Variants in ZDHHC2 observed in about 807,000 individuals in gnomAD.
ZDHHC2 encodes the protein palmitoyltransferase ZDHHC2.
Under a neutral mutation model 55.6 loss-of-function variants are expected in ZDHHC2, and 51 were observed. The ratio of observed to expected loss-of-function variants is 0.92; its 90% CI spans 0.73 to 1.16. The LOEUF (loss-of-function observed/expected upper bound fraction) is 1.16, where lower values mean the gene tolerates loss of function less well. Among genes scored for constraint, ZDHHC2 ranks in the 50% most tolerant of loss-of-function variants. The pLI, the probability that ZDHHC2 is intolerant of heterozygous loss-of-function variation, is 0.00. For missense variants in ZDHHC2, 491 were observed against 442.4 expected (o/e 1.11, Z -0.99); for synonymous variants, 199 against 152.9 (o/e 1.30, Z -2.22).
intron 1 of ZDHHC2, among the ~76,000 whole-genome samples, chr8:17,168,632 G>A (rs2705185): frequency 0.98 from 149,719 of 152,244 alleles, 73,666 homozygotes; most frequent in East Asian, 1. Flanking sequence ...TCGCTGTGCA[G>A]TTTAACACTA....
intron 1 of ZDHHC2, among the ~76,000 whole-genome samples, chr8:17,174,697 G>T (rs1019750494): frequency 2.4e-5 from 3 of 127,166 alleles, no homozygotes; most frequent in Admixed American, 9.0e-5. Context: ...GTTTGATATT[G>T]TGTTATTCTT....
At chr8:17,171,220 C>G (rs978416185) in intron 1 of ZDHHC2, among the ~76,000 whole-genome samples, 1 of 152,060 alleles carries the variant, frequency 6.6e-6, no homozygotes, top group African/African-American at 2.4e-5. Context: ...AAGGAAACAC[C>G]CATACAACTC....
rs1807315557 is a variant in ZDHHC2 at position 17,210,375 on chromosome 8, A to G, written c.858-13A>G. The G allele has an allele frequency of 6.2e-7, 1 of 1,606,086 alleles. No homozygotes were observed. Among genetic ancestry groups the G allele is most frequent in the Non-Finnish European group, 8.5e-7 (1 of 1,177,568 alleles). On this transcript the variant is annotated splice_polypyrimidine_tract_variant and intron_variant, in intron 9 of 12. Transcript: ENST00000262096. ...TTGTATGGTTCAGTTCTAAATTTTT[A>G]TTTTAATTCTAGTCTAGGTGATGGC... is the stretch of plus-strand genomic sequence containing the variant.
At chr8:17,201,460 C>G (rs766512883) in intron 6 of ZDHHC2, among the ~76,000 whole-genome samples, 1 of 127,444 alleles carries the variant, frequency 7.8e-6, no homozygotes, top group African/African-American at 2.7e-5. Flanking sequence ...GACCCAGGGG[C>G]AGCCTTTTCT....
At chr8:17,162,942 G>A (rs576567585) in intron 1 of ZDHHC2, 4 of 152,348 alleles carry the variant, frequency 2.6e-5, no homozygotes, top group African/African-American at 9.6e-5. Flanking sequence ...CATATATTTA[G>A]TGGTTGACAT....
intron 1 of ZDHHC2, among the ~76,000 whole-genome samples, chr8:17,184,117 C>A (rs938585814): frequency 5.3e-5 from 8 of 152,144 alleles, no homozygotes; most frequent in African/African-American, 1.9e-4. Flanking sequence ...ATAGACAATA[C>A]AAAAGGCGTA....
intron 1 of ZDHHC2, among the ~76,000 whole-genome samples, chr8:17,183,119 C>A (rs1805520997): frequency 6.6e-6 from 1 of 152,150 alleles, no homozygotes; most frequent in Non-Finnish European, 1.5e-5. Context: ...TCTCTCCACT[C>A]GAGTCAGTGG....
At chr8:17,179,691 G>T (rs988894292) in intron 1 of ZDHHC2, among the ~76,000 whole-genome samples, 2 of 152,196 alleles carry the variant, frequency 1.3e-5, no homozygotes, top group Non-Finnish European at 2.9e-5. Flanking sequence ...CATTTCATGC[G>T]TGGGCCGCCC....
chr8:17,166,230 G>T (rs1053301871), intron 1 of ZDHHC2, among the ~76,000 whole-genome samples: 1 of 152,292 alleles, frequency 6.6e-6, no homozygotes, highest in South Asian at 2.1e-4. Context: ...AAACCGTGGC[G>T]TGGGCACTGG....
At chr8:17,174,011 G>A (rs956247205) in intron 1 of ZDHHC2, among the ~76,000 whole-genome samples, 4 of 151,942 alleles carry the variant, frequency 2.6e-5, no homozygotes, top group South Asian at 2.1e-4. Context: ...GTAGGTGGTC[G>A]CTGCAAGCAA....
At chr8:17,179,332 C>G (rs1319622400) in intron 1 of ZDHHC2, among the ~76,000 whole-genome samples, 5 of 152,144 alleles carry the variant, frequency 3.3e-5, no homozygotes, top group Non-Finnish European at 7.4e-5. Flanking sequence ...CAACTGGTGA[C>G]CCAATCTACA....
At chr8:17,183,137 A>G (rs1181252285) in intron 1 of ZDHHC2, among the ~76,000 whole-genome samples, 1 of 152,200 alleles carries the variant, frequency 6.6e-6, no homozygotes, top group Non-Finnish European at 1.5e-5. Context: ...TGGAGTAGCA[A>G]ACACATTTGT....
chr8:17,197,910 T>G (rs573511842), intron 5 of ZDHHC2, among the ~76,000 whole-genome samples: 3 of 152,174 alleles, frequency 2.0e-5, no homozygotes, highest in Non-Finnish European at 4.4e-5. Context: ...TGGTTCAATT[T>G]AGGAAATACT....
chr8:17,182,580 G>A (rs943346438), intron 1 of ZDHHC2, among the ~76,000 whole-genome samples: 3 of 151,974 alleles, frequency 2.0e-5, no homozygotes, highest in African/African-American at 4.8e-5. Flanking sequence ...TGTAAGTTGT[G>A]TACTTTTAAA....
chr8:17,215,867 G>C (rs1313913224), intron 11 of ZDHHC2, among the ~76,000 whole-genome samples: 2 of 152,122 alleles, frequency 1.3e-5, no homozygotes, highest in African/African-American at 4.8e-5. Flanking sequence ...GTTTTCTTCA[G>C]TCAGTGTAGT....
At position 17,175,083 on chromosome 8, in the gene ZDHHC2, G is replaced by A. The variant is rs191561453; in HGVS notation, c.131-9706G>A. Among the ~76,000 whole-genome samples, 80 of 152,148 alleles carry A rather than the reference G, an allele frequency of 5.3e-4. 1 individual carries two copies. Among genetic ancestry groups the A allele is most frequent in the African/African-American group, 1.5e-3 (62 of 41,518 alleles). On this transcript the variant is annotated intron_variant, in intron 1 of 12. Coordinates refer to ENST00000262096, the MANE Select transcript of ZDHHC2 (RefSeq NM_016353.5). Reference sequence around the variant, plus strand: ...AGTAATTTCTGGGCCATTTTCCATCGTTCTTTGATAATTTCTAGCATAGTT... The same window carrying A: ...AGTAATTTCTGGGCCATTTTCCATCATTCTTTGATAATTTCTAGCATAGTT...
intron 12 of ZDHHC2, among the ~76,000 whole-genome samples, chr8:17,219,330 AATG>A (rs1179481939): frequency 6.6e-6 from 1 of 151,762 alleles, no homozygotes; most frequent in Non-Finnish European, 1.5e-5. Context: ...TACAATAGTA[AATG>A]ATGTCACCTT....
At chr8:17,195,153 G>A (rs1206229853) in intron 3 of ZDHHC2, among the ~76,000 whole-genome samples, 1 of 152,062 alleles carries the variant, frequency 6.6e-6, no homozygotes, top group Non-Finnish European at 1.5e-5. Flanking sequence ...TTTATTCATT[G>A]AGTTATGTTT....
chr8:17,224,266 A>C lies in ZDHHC2; in HGVS notation c.*4045A>C, dbSNP rs1302829163. ...AAAACAAACTGGTGAAAAATGTTCA[A>C]AAATAGATCTTTTTGATGTTCATAG... On this transcript the variant is annotated 3_prime_UTR_variant, in exon 13 of 13. Coordinates refer to ENST00000262096, the MANE Select transcript of ZDHHC2 (RefSeq NM_016353.5). 1 of 151,794 alleles carries C rather than the reference A, an allele frequency of 6.6e-6. No homozygotes were observed. The highest frequency in any genetic ancestry group is 2.4e-5 in the African/African-American group (1 of 41,422). 9.4% of individuals were successfully genotyped at this position (151,794 alleles called of 1,614,324 possible). A position where few individuals can be genotyped will look rare whatever the true frequency, so the allele number is the denominator to read the frequency against.
Sources: allele counts gnomAD v4.1 joint callset (sites outside exome capture counted in the v4.1 genomes callset), GRCh38; gene constraint gnomAD v4.1.1; transcripts MANE v1.5; gene names NCBI Gene and HGNC (gene_info 2026-07-23, HGNC 2026-07-21).